The following SMAD3 variants were observed in gnomAD, a reference collection of about 807,000 sequenced individuals.
SMAD3 encodes the protein MAD homolog 3.
A neutral mutation model predicts 51.8 loss-of-function variants in SMAD3; 12 were observed. The observed-to-expected ratio is 0.23, with a 90% CI of 0.15 to 0.38. The LOEUF (loss-of-function observed/expected upper bound fraction) is 0.38, where lower values mean the gene tolerates loss of function less well. Among genes scored for constraint, SMAD3 ranks in the 10% least tolerant of loss-of-function variants. The pLI is 1.00. For missense variants in SMAD3, 294 were observed against 565.6 expected (o/e 0.52, Z 4.87); for synonymous variants, 238 against 227.7 (o/e 1.05, Z -0.41).
At position 67,065,915 on chromosome 15, in the gene SMAD3, G is replaced by A; in HGVS notation, c.-240G>A. 1 of 213,652 alleles carries A rather than the reference G, an allele frequency of 4.7e-6. No homozygotes were observed. The highest frequency in any genetic ancestry group is 1.5e-3 in the Middle Eastern group (1 of 652). The allele number at this position is 213,652 out of a possible 1,614,324, so 13.2% of individuals were successfully genotyped here. ...TCCCGACCCTGCACTGCTGCCGTCC[G>A]CCCGCCCGGCCGCTCTTCTCTTCGC... is the stretch of plus-strand genomic sequence containing the variant. On this transcript the variant is annotated 5_prime_UTR_variant, in exon 1 of 9. Coordinates refer to ENST00000327367, the MANE Select transcript of SMAD3 (RefSeq NM_005902.4).
rs1224937250 is a variant in SMAD3, at chr15:67,194,059, A to AG, written c.*3528dup. On this transcript the variant is annotated 3_prime_UTR_variant, in exon 9 of 9. Transcript: ENST00000327367. The stretch of plus-strand genomic sequence containing the variant: ...AGGCTGCTTGTAGGACTGTTCACCA[A>AG]GGGGGATACCAGCAGCAAGAGAGTG... 2.6e-5 allele frequency: 6 copies of AG among 233,194 alleles called. No homozygotes were observed. The highest frequency in any genetic ancestry group is 4.2e-5 in the Non-Finnish European group (5 of 118,002). The allele number at this position is 233,194 out of a possible 1,614,324, so 14.4% of individuals were successfully genotyped here.
At chr15:67,080,915 T>G (rs1960267325) in intron 1 of SMAD3, among the ~76,000 whole-genome samples, 1 of 152,092 alleles carries the variant, frequency 6.6e-6, no homozygotes, top group Non-Finnish European at 1.5e-5. Flanking sequence ...CCCAGATAAT[T>G]TATTGGAAGT....
chr15:67,163,562 C>T (rs1218926903), intron 1 of SMAD3, among the ~76,000 whole-genome samples: 1 of 152,194 alleles, frequency 6.6e-6, no homozygotes, highest in African/African-American at 2.4e-5. Flanking sequence ...GCCACCCAGA[C>T]TCTCATCATC....
intron 1 of SMAD3, among the ~76,000 whole-genome samples, chr15:67,092,694 G>A (rs950706332): frequency 4.6e-5 from 7 of 152,234 alleles, no homozygotes; most frequent in Non-Finnish European, 7.3e-5. Context: ...GGAATGTGGT[G>A]TAGCGGAAAA....
intron 1 of SMAD3, among the ~76,000 whole-genome samples, chr15:67,135,729 C>T (rs1384884411): frequency 2.0e-5 from 3 of 152,130 alleles, no homozygotes. Context: ...TCTAAGATGC[C>T]AGAAGCATTG....
intron 1 of SMAD3, among the ~76,000 whole-genome samples, chr15:67,077,467 A>G (rs776911219): frequency 4.6e-5 from 7 of 152,216 alleles, no homozygotes; most frequent in African/African-American, 1.4e-4. Context: ...GAGCTGGACC[A>G]CTGAATGTGC....
At position 67,099,774 on chromosome 15, in the gene SMAD3, AGATT is replaced by A. The variant is rs1960707715; in HGVS notation, c.206+33415_206+33418del. ...ACACCACGTGCCCCATACCTTACAT[AGATT>A]ATCTTATTTAATTGTTGCTAATAAT... On this transcript the variant is annotated intron_variant, in intron 1 of 8. Coordinates refer to ENST00000327367, the MANE Select transcript of SMAD3 (RefSeq NM_005902.4). 2.6e-5 allele frequency among the ~76,000 whole-genome samples: 4 copies of A among 152,354 alleles called. No individual in the cohort carries two copies. The South Asian group carries it at 8.3e-4, about 32-fold the overall frequency.
At chr15:67,107,983 C>T (rs1960919150) in intron 1 of SMAD3, among the ~76,000 whole-genome samples, 1 of 149,524 alleles carries the variant, frequency 6.7e-6, no homozygotes, top group South Asian at 2.2e-4. Flanking sequence ...ACCCCCCCAC[C>T]ACCTCCCGCG....
At chr15:67,118,537 G>A (rs563662889) in intron 1 of SMAD3, among the ~76,000 whole-genome samples, 59 of 152,318 alleles carry the variant, frequency 3.9e-4, no homozygotes, top group African/African-American at 1.3e-3. Flanking sequence ...CGGGTGAGGG[G>A]AGATGTAAAG....
chr15:67,088,718 G>C (rs1960447890), intron 1 of SMAD3, among the ~76,000 whole-genome samples: 2 of 152,208 alleles, frequency 1.3e-5, no homozygotes, highest in African/African-American at 4.8e-5. Context: ...CACGAGGTCA[G>C]GAGTTCGAGA....
intron 1 of SMAD3, among the ~76,000 whole-genome samples, chr15:67,131,840 A>G (rs572180492): frequency 6.6e-5 from 10 of 152,238 alleles, no homozygotes. Flanking sequence ...TTCTGCAGAA[A>G]TCACCCTGTC....
At chr15:67,158,598 T>G (rs1962345610) in intron 1 of SMAD3, among the ~76,000 whole-genome samples, 1 of 152,254 alleles carries the variant, frequency 6.6e-6, no homozygotes, top group South Asian at 2.1e-4. Flanking sequence ...CCACTTGGCA[T>G]GGCCCTGATA....
At chr15:67,168,746 A>C (rs1469500813) in intron 4 of SMAD3, among the ~76,000 whole-genome samples, 1 of 151,992 alleles carries the variant, frequency 6.6e-6, no homozygotes, top group Non-Finnish European at 1.5e-5. Context: ...TGTTGTGAAC[A>C]TGAGTGATTT....
chr15:67,174,011 C>T (rs1962821696), intron 5 of SMAD3, among the ~76,000 whole-genome samples: 1 of 152,194 alleles, frequency 6.6e-6, no homozygotes, highest in African/African-American at 2.4e-5. Flanking sequence ...GTCAGGAAAG[C>T]GGCTGGCGCT....
intron 1 of SMAD3, among the ~76,000 whole-genome samples, chr15:67,098,360 GAGCAAGCAAGCA>G (rs371793630): frequency 8.5e-6 from 1 of 117,868 alleles, no homozygotes; most frequent in Admixed American, 9.3e-5. Flanking sequence ...GAGAGCGAGC[GAGCAAGCAAGCA>G]AGCAAGCCAG....
rs1163755294 is a variant in SMAD3, at chr15:67,192,333, G to A, written c.*1797G>A. 1 of 232,368 alleles carries A rather than the reference G, an allele frequency of 4.3e-6. No homozygotes were observed. The highest frequency in any genetic ancestry group is 8.5e-6 in the Non-Finnish European group (1 of 117,836). 14.4% of individuals were successfully genotyped at this position (232,368 alleles called of 1,614,324 possible). A position where few individuals can be genotyped will look rare whatever the true frequency, so the allele number is the denominator to read the frequency against. ...CAGGAAGAGACGGAAGGAGCACCTT[G>A]ACAGACTTGTGTGAGTCTTCTCGAA... is the stretch of plus-strand genomic sequence containing the variant. On this transcript the variant is annotated 3_prime_UTR_variant, in exon 9 of 9. Transcript: ENST00000327367.
chr15:67,114,565 T>C (rs1346307177), intron 1 of SMAD3, among the ~76,000 whole-genome samples: 1 of 152,210 alleles, frequency 6.6e-6, no homozygotes, highest in Non-Finnish European at 1.5e-5. Flanking sequence ...AAAGGGGTAG[T>C]TGTCATTACT....
In SMAD3 at chr15:67,193,744, A is replaced by G. The variant is rs1297199256; in HGVS notation, c.*3208A>G. On this transcript the variant is annotated 3_prime_UTR_variant, in exon 9 of 9. Transcript: ENST00000327367. Reference sequence around the variant, plus strand: ...TGATTATTTTTTTAAACCATCGTTAATATACTGAAGTGAGCTATAGCACAT... The same window carrying G: ...TGATTATTTTTTTAAACCATCGTTAGTATACTGAAGTGAGCTATAGCACAT... 4.3e-6 allele frequency: 1 copy of G among 233,100 alleles called. No individual in the cohort carries two copies. The allele number at this position is 233,100 out of a possible 1,614,324, so 14.4% of individuals were successfully genotyped here. A position where few individuals can be genotyped will look rare whatever the true frequency, so the allele number is the denominator to read the frequency against.
At chr15:67,187,282 G>A in intron 7 of SMAD3, 83 bp from the exon 8 acceptor site, 2 of 1,540,098 alleles carry the variant, frequency 1.3e-6, no homozygotes, top group Non-Finnish European at 1.8e-6. Flanking sequence ...GGTCTAGGGG[G>A]TCCAGGACTT....
Sources: allele counts gnomAD v4.1 joint callset (sites outside exome capture counted in the v4.1 genomes callset), GRCh38; gene constraint gnomAD v4.1.1; transcripts MANE v1.5; gene names NCBI Gene and HGNC (gene_info 2026-07-23, HGNC 2026-07-21).